Variants in NOS1 observed in about 807,000 individuals in gnomAD.
NOS1 encodes nitric oxide synthase 1.
A neutral mutation model predicts 164.5 loss-of-function variants in NOS1; 51 were observed. That is an observed-to-expected ratio of 0.31 (90% CI 0.25 to 0.39). The LOEUF (loss-of-function observed/expected upper bound fraction) is 0.39. Among genes scored for constraint, NOS1 ranks in the 10% least tolerant of loss-of-function variants. The pLI, the probability that NOS1 is intolerant of heterozygous loss-of-function variation, is 1.00. For missense variants in NOS1, 1,362 were observed against 1,885.6 expected (o/e 0.72, Z 5.14); for synonymous variants, 719 against 745.8 (o/e 0.96, Z 0.59).
At chr12:117,357,600 C>T (rs1422476666) in intron 1 of NOS1, among the ~76,000 whole-genome samples, 1 of 152,114 alleles carries the variant, frequency 6.6e-6, no homozygotes, top group Non-Finnish European at 1.5e-5. Flanking sequence ...CCAATTTGTA[C>T]AACGAGGGTG....
chr12:117,253,780 A>G (rs774112108), intron 16 of NOS1, 26 bp from the exon 17 acceptor site: 2 of 1,548,166 alleles, frequency 1.3e-6, no homozygotes, highest in South Asian at 1.1e-5. Flanking sequence ...AGAACCTGTG[A>G]GCTCTGGCCT....
intron 3 of NOS1, among the ~76,000 whole-genome samples, chr12:117,294,467 G>A (rs1873285783): frequency 6.6e-6 from 1 of 152,148 alleles, no homozygotes; most frequent in African/African-American, 2.4e-5. Context: ...CTCCGCCCTG[G>A]GTTTCACTGG....
chr12:117,292,672 T>A (rs542029909), intron 3 of NOS1, among the ~76,000 whole-genome samples: 1 of 152,306 alleles, frequency 6.6e-6, no homozygotes, highest in East Asian at 1.9e-4. Context: ...AGGAGTCCAA[T>A]CCAGGCAGTC....
intron 2 of NOS1, among the ~76,000 whole-genome samples, chr12:117,311,958 C>T (rs1216402034): frequency 6.6e-6 from 1 of 152,118 alleles, no homozygotes; most frequent in Non-Finnish European, 1.5e-5. Context: ...ACTCCATGTA[C>T]CATGAACCCC....
chr12:117,324,715 CTAAA>C (rs56906790), intron 2 of NOS1, among the ~76,000 whole-genome samples: 12 of 149,244 alleles, frequency 8.0e-5, no homozygotes, highest in East Asian at 2.0e-4. Flanking sequence ...GACTCTGTCT[CTAAA>C]TAAATAAATA....
intron 3 of NOS1, among the ~76,000 whole-genome samples, chr12:117,297,658 TG>T (rs1873512842): frequency 6.6e-6 from 1 of 151,754 alleles, no homozygotes; most frequent in African/African-American, 2.4e-5. Flanking sequence ...CCCAAAGTGC[TG>T]GGATTATAGG....
intron 27 of NOS1, among the ~76,000 whole-genome samples, chr12:117,218,766 T>C (rs1956651644): frequency 6.6e-6 from 1 of 152,080 alleles, no homozygotes; most frequent in African/African-American, 2.4e-5. Flanking sequence ...GACGACTGAC[T>C]TGTGACATCT....
chr12:117,253,698 G>C lies in NOS1; in HGVS notation c.2588C>G (p.Ser863Ter). 6.2e-7 allele frequency: 1 copy of C among 1,614,092 alleles called. No individual in the cohort carries two copies. Among genetic ancestry groups the C allele is most frequent in the Non-Finnish European group, 8.5e-7 (1 of 1,180,010 alleles). Residue 863 changes from serine (S) to a stop codon, truncating the protein, a stop_gained, in exon 17 of 29, where the codon TCA becomes TGA. Coordinates refer to ENST00000317775, the MANE Select transcript of NOS1 (RefSeq NM_000620.5). LOFTEE classifies it high-confidence loss of function. ...GTCTCTGAGGTCGGGCCCATCGCCT[G>C]ATGATTTTTGGGAGTCAGAGTAGGA... is the stretch of plus-strand genomic sequence containing the variant. The part of the protein sequence containing the change: ...VSSYSDSQKS[S>*]GDGPDLRDNF...
chr12:117,257,738 A>G (rs1166179410), intron 16 of NOS1, among the ~76,000 whole-genome samples: 1 of 148,016 alleles, frequency 6.8e-6, no homozygotes, highest in South Asian at 2.1e-4. Context: ...ACCATGCCTG[A>G]CTGCCTTGCA....
intron 1 of NOS1, among the ~76,000 whole-genome samples, chr12:117,349,639 A>G (rs1311278148): frequency 6.6e-6 from 1 of 152,238 alleles, no homozygotes; most frequent in Admixed American, 6.5e-5. Flanking sequence ...AGTATCCACC[A>G]TATTTTGGAA....
chr12:117,317,413 TGGA>T (rs956863595), intron 2 of NOS1, among the ~76,000 whole-genome samples: 2 of 149,630 alleles, frequency 1.3e-5, no homozygotes, highest in African/African-American at 4.9e-5. Context: ...TCTTGTGCGT[TGGA>T]GGATGTTTGA....
intron 1 of NOS1, among the ~76,000 whole-genome samples, chr12:117,334,644 C>G (rs1387360780): frequency 6.6e-6 from 1 of 152,232 alleles, no homozygotes; most frequent in Non-Finnish European, 1.5e-5. Flanking sequence ...ATCCGCCTGC[C>G]TCAGCCTCCC....
chr12:117,217,953 G>A, intron 28 of NOS1, 93 bp downstream of exon 28: 1 of 891,492 alleles, frequency 1.1e-6, no homozygotes, highest in Non-Finnish European at 1.9e-6. Context: ...CTGTTTTGGG[G>A]ACCCTGCCGT....
At chr12:117,216,439 C>G (rs1314120402) in intron 28 of NOS1, among the ~76,000 whole-genome samples, 1 of 151,698 alleles carries the variant, frequency 6.6e-6, no homozygotes, top group African/African-American at 2.4e-5. Context: ...GCCTCAGCCT[C>G]CCGAAGTGCT....
At chr12:117,260,776 T>C in intron 13 of NOS1, among the ~76,000 whole-genome samples, 167 bp from the exon 14 acceptor site, 1 of 152,174 alleles carries the variant, frequency 6.6e-6, no homozygotes, top group East Asian at 1.9e-4. Context: ...GAAGTCTTTG[T>C]GTTTAAGCAC....
At chr12:117,267,940 G>T in intron 11 of NOS1, 103 bp downstream of exon 11, 6 of 764,290 alleles carry the variant, frequency 7.9e-6, no homozygotes, top group Non-Finnish European at 1.3e-5. Flanking sequence ...CCCCGCAAAG[G>T]TGGTTTCTGG....
chr12:117,279,799 C>T (rs1419287778), intron 8 of NOS1, among the ~76,000 whole-genome samples: 1 of 152,178 alleles, frequency 6.6e-6, no homozygotes, highest in African/African-American at 2.4e-5. Flanking sequence ...TAAAACAGCA[C>T]AGGTGCAGCT....
chr12:117,257,130 C>G (rs1178904650), intron 16 of NOS1, among the ~76,000 whole-genome samples: 1 of 152,062 alleles, frequency 6.6e-6, no homozygotes, highest in African/African-American at 2.4e-5. Context: ...GTTGTCTAGG[C>G]TGGGGTGCCG....
rs765227620 is a variant in NOS1 at position 117,260,531 on chromosome 12, C to T, written c.2301G>A (p.Glu767=). 6 of 1,614,080 alleles carry T rather than the reference C, an allele frequency of 3.7e-6. No individual in the cohort carries two copies. The highest frequency in any genetic ancestry group is 2.7e-5 in the African/African-American group (2 of 74,938). Reference sequence around the variant, plus strand: ...TGGCATAAGCTTGCGATTTGCCTGTCTCTGTGGCATAGAGGATGGTCGCTT... The same window carrying T: ...TGGCATAAGCTTGCGATTTGCCTGTTTCTGTGGCATAGAGGATGGTCGCTT... ...RVKATILYAT[E]TGKSQAYAKT... Residue 767 remains glutamate (E), a synonymous_variant, in exon 14 of 29, where the codon GAG becomes GAA. Coordinates refer to ENST00000317775, the MANE Select transcript of NOS1 (RefSeq NM_000620.5).
Sources: allele counts gnomAD v4.1 joint callset (sites outside exome capture counted in the v4.1 genomes callset), GRCh38; gene constraint gnomAD v4.1.1; transcripts MANE v1.5; gene names NCBI Gene and HGNC (gene_info 2026-07-23, HGNC 2026-07-21).